Variants in NLRP13 observed in about 807,000 individuals in gnomAD.
NLRP13 encodes NLR family pyrin domain containing 13, also known as NACHT, LRR and PYD domains-containing protein 13.
Under a neutral mutation model 94.4 loss-of-function variants are expected in NLRP13, and 82 were observed. The observed-to-expected ratio is 0.87, with a 90% CI of 0.73 to 1.04. NLRP13 has a LOEUF of 1.04. Among genes scored for constraint, NLRP13 ranks in the 50% least tolerant of loss-of-function variants. The pLI, the probability that NLRP13 is intolerant of heterozygous loss-of-function variation, is 0.00. For synonymous variants in NLRP13, 553 were observed against 464.7 expected, an observed-to-expected ratio of 1.19 and a Z score of -2.45; for missense variants, 1,426 against 1,230.8, an observed-to-expected ratio of 1.16 and a Z score of -2.37.
chr19:55,913,075 C>G lies in NLRP13; in HGVS notation c.742G>C (p.Ala248Pro). Residue 248 changes from alanine (A) to proline (P), a missense_variant, in exon 5 of 11, where the codon GCT becomes CCT. Coordinates refer to ENST00000342929, the MANE Select transcript of NLRP13 (RefSeq NM_176810.2). ...ACTCCATTTGCCCAGTGCAGCATAG[C>G]CTGCATTGCCAAGGTGGTCTTCCCA... ...GVGKTTLAMQ[A>P]MLHWANGVLF... 1.2e-6 allele frequency: 2 copies of G among 1,614,182 alleles called. No homozygotes were observed. Among genetic ancestry groups the G allele is most frequent in the Non-Finnish European group, 8.5e-7 (1 of 1,180,024 alleles).
intron 1 of NLRP13, among the ~76,000 whole-genome samples, chr19:55,929,568 T>A (rs1260733265): frequency 6.6e-6 from 1 of 151,998 alleles, no homozygotes; most frequent in East Asian, 1.9e-4. Flanking sequence ...AAGTGGGAGC[T>A]GGACAATGAG....
chr19:55,931,283 G>A (rs1010737438), intron 1 of NLRP13, among the ~76,000 whole-genome samples: 7 of 152,124 alleles, frequency 4.6e-5, no homozygotes, highest in Admixed American at 4.6e-4. Flanking sequence ...TGGGTTGCGG[G>A]GGCAGGGCGG....
rs992620049 is a variant in NLRP13, at chr19:55,928,580, T to A, written c.319+3413A>T. Among the ~76,000 whole-genome samples, 41 of 152,198 alleles carry A rather than the reference T, an allele frequency of 2.7e-4. 1 individual carries two copies. The highest frequency in any genetic ancestry group is 1.3e-3 in the Admixed American group (20 of 15,272). On this transcript the variant is annotated intron_variant, in intron 1 of 10. Transcript: ENST00000342929. Reference sequence around the variant, plus strand: ...ATGTATCCAAAAACTTTTAAGTTTATATTTTTAAAAATCAGCAACAAGAAA... The same window carrying A: ...ATGTATCCAAAAACTTTTAAGTTTAAATTTTTAAAAATCAGCAACAAGAAA...
chr19:55,931,399 A>T (rs933490191), intron 1 of NLRP13, among the ~76,000 whole-genome samples: 24 of 152,150 alleles, frequency 1.6e-4, no homozygotes, highest in East Asian at 1.4e-3. Flanking sequence ...TCACACTGGG[A>T]CAAATTTGCA....
At chr19:55,915,401 C>A in intron 4 of NLRP13, among the ~76,000 whole-genome samples, 1 of 151,936 alleles carries the variant, frequency 6.6e-6, no homozygotes, top group East Asian at 1.9e-4. Flanking sequence ...AGTTCGAGAC[C>A]AGCCTGACCA....
At chr19:55,925,817 T>C (rs1283545520) in intron 1 of NLRP13, among the ~76,000 whole-genome samples, 1 of 152,196 alleles carries the variant, frequency 6.6e-6, no homozygotes, top group Non-Finnish European at 1.5e-5. Flanking sequence ...CATGGCTTGT[T>C]CTGGTTAGCA....
chr19:55,903,604 T>TAC (rs1389781770), intron 8 of NLRP13, among the ~76,000 whole-genome samples: 1 of 152,184 alleles, frequency 6.6e-6, no homozygotes, highest in East Asian at 1.9e-4. Context: ...CAAGCTCCTA[T>TAC]ACCCCCAACC....
At chr19:55,925,309 A>C (rs765862096) in intron 1 of NLRP13, among the ~76,000 whole-genome samples, 1 of 152,162 alleles carries the variant, frequency 6.6e-6, no homozygotes, top group Non-Finnish European at 1.5e-5. Context: ...GCTCACTCTC[A>C]AGGCTCTGCT....
rs191691985 is a variant in NLRP13 at position 55,919,984 on chromosome 19, A to G, written c.523+3930T>C. ...GCATGGTACTAGTACAAAAATAAAC[A>G]TAGATCAATGTAACAGAATAGAGAG... On this transcript the variant is annotated intron_variant, in intron 4 of 10. Transcript: ENST00000342929. Among the ~76,000 whole-genome samples, 498 of 152,272 alleles carry G rather than the reference A, an allele frequency of 3.3e-3. 4 individuals carry two copies. Among genetic ancestry groups the G allele is most frequent in the African/African-American group, 0.011 (474 of 41,568 alleles).
intron 8 of NLRP13, among the ~76,000 whole-genome samples, chr19:55,902,954 A>G (rs932481546): frequency 2.7e-5 from 4 of 147,566 alleles, no homozygotes; most frequent in Admixed American, 6.8e-5. Flanking sequence ...TATAACAACT[A>G]ATTGTTATAA....
Position 55,902,560 on chromosome 19 carries a change from C to T in NLRP13, c.2619-355G>A, listed in dbSNP as rs183211635. On this transcript the variant is annotated intron_variant, in intron 8 of 10. Coordinates refer to ENST00000342929, the MANE Select transcript of NLRP13 (RefSeq NM_176810.2). ...AGCTGGGTGACCCTCAACAAGCTCC[C>T]GCACTCCTTTCAGCCTTCATTGCCT... Among the ~76,000 whole-genome samples the T allele has an allele frequency of 1.6e-3, 246 of 152,228 alleles. 1 individual carries two copies. The highest frequency in any genetic ancestry group is 2.8e-3 in the Non-Finnish European group (188 of 68,008).
At chr19:55,916,428 C>T (rs1986676314) in intron 4 of NLRP13, among the ~76,000 whole-genome samples, 1 of 152,038 alleles carries the variant, frequency 6.6e-6, no homozygotes. Flanking sequence ...TTTAAAGAAG[C>T]TCAGTGAGAT....
chr19:55,903,896 C>T (rs541442846), intron 8 of NLRP13, among the ~76,000 whole-genome samples: 1 of 152,312 alleles, frequency 6.6e-6, no homozygotes, highest in South Asian at 2.1e-4. Flanking sequence ...CTGTCCACAG[C>T]AGCCTGCATG....
intron 8 of NLRP13, among the ~76,000 whole-genome samples, 171 bp from the exon 9 acceptor site, chr19:55,902,376 C>T (rs1160158493): frequency 6.6e-6 from 1 of 152,154 alleles, no homozygotes; most frequent in Non-Finnish European, 1.5e-5. Flanking sequence ...ATCTTGCATA[C>T]CATAACCCTC....
intron 1 of NLRP13, among the ~76,000 whole-genome samples, chr19:55,929,861 G>T (rs1987064929): frequency 1.3e-5 from 2 of 152,012 alleles, no homozygotes; most frequent in South Asian, 2.1e-4. Flanking sequence ...AATCAATAAA[G>T]CCTAAAGTTG....
chr19:55,899,953 GT>G (rs34231494), intron 9 of NLRP13, among the ~76,000 whole-genome samples: 77,477 of 140,834 alleles, frequency 0.55, 20,800 homozygotes, highest in South Asian at 0.67. Context: ...TATAATTGTT[GT>G]TTTTTTTTTT....
chr19:55,931,721 AAAAAGAAAG>A (rs1431875688), intron 1 of NLRP13, among the ~76,000 whole-genome samples: 1 of 85,752 alleles, frequency 1.2e-5, no homozygotes, highest in African/African-American at 4.5e-5. Context: ...AAAAAAAAAA[AAAAAGAAAG>A]AAAGAAAGAA....
intron 1 of NLRP13, among the ~76,000 whole-genome samples, chr19:55,929,940 T>C (rs1415757509): frequency 1.3e-5 from 2 of 152,152 alleles, no homozygotes; most frequent in African/African-American, 4.8e-5. Flanking sequence ...TCTCATTCCC[T>C]AGTTTTCTGC....
chr19:55,905,059 A>C lies in NLRP13; in HGVS notation c.2501T>G (p.Leu834Arg), dbSNP rs779657100. The change falls in exon 8 of 11, where the codon CTC becomes CGC. Residue 834 changes from leucine (L) to arginine (R), a missense_variant. Leu to Arg is a moderately radical substitution (Grantham distance 102). Coordinates refer to ENST00000342929, the MANE Select transcript of NLRP13 (RefSeq NM_176810.2). ...TCGAGTTACGTGTTGGATGCTGGTG[A>C]GAAACAAGGCTAGGTCCTGACAGCT... ...AASCQDLALF[L>R]TSIQHVTRLC... is the part of the protein sequence containing the mutation. 5 of 1,613,854 alleles carry C rather than the reference A, an allele frequency of 3.1e-6. No homozygotes were observed. In the Admixed American group the frequency reaches 8.3e-5, roughly 27 times the overall value.
Sources: allele counts gnomAD v4.1 joint callset (sites outside exome capture counted in the v4.1 genomes callset), GRCh38; gene constraint gnomAD v4.1.1; transcripts MANE v1.5; gene names NCBI Gene and HGNC (gene_info 2026-07-23, HGNC 2026-07-21).